The following ANO7 variants were observed in gnomAD, a reference collection of about 807,000 sequenced individuals.
The protein encoded by ANO7 is anoctamin 7.
Under a neutral mutation model 115.8 loss-of-function variants are expected in ANO7, and 114 were observed. That is an observed-to-expected ratio of 0.98 (90% CI 0.85 to 1.15). The LOEUF (loss-of-function observed/expected upper bound fraction) is 1.15, where lower values mean the gene tolerates loss of function less well. ANO7 is among the 50% of genes most tolerant of loss of function. ANO7 has a pLI of 0.00. For synonymous variants in ANO7, 550 were observed against 498.2 expected (o/e 1.10, Z -1.38); for missense variants, 1,302 against 1,201.2 (o/e 1.08, Z -1.24).
chr2:241,238,803 CAAAG>C, the ANO7 span: 2 of 1,468,230 alleles, frequency 1.4e-6, no homozygotes, highest in African/African-American at 2.9e-5. This position sits in a 1 kb window ranked among gnomAD's most constrained non-coding sequence, Gnocchi z 4.9. Context: ...GGGAGGTACA[CAAAG>C]AAAAAAGAAA....
intron 16 of ANO7, 152 bp downstream of exon 16, chr2:241,212,357 C>T: frequency 2.2e-6 from 2 of 924,362 alleles, no homozygotes; most frequent in Non-Finnish European, 3.4e-6. Flanking sequence ...GCCCATGCCT[C>T]CTGGCACCTC....
intron 2 of ANO7, 141 bp downstream of exon 2, chr2:241,190,312 C>T: frequency 1.5e-6 from 1 of 684,216 alleles, no homozygotes; most frequent in East Asian, 2.8e-5. Context: ...CCCCCAAGCC[C>T]TCGCCACCCA....
At chr2:241,193,980 G>C (rs912277057) in intron 3 of ANO7, among the ~76,000 whole-genome samples, 4 of 152,196 alleles carry the variant, frequency 2.6e-5, no homozygotes, top group Non-Finnish European at 5.9e-5. Flanking sequence ...AGGTTCAAGT[G>C]ATCTCTGGCC....
chr2:241,191,024 C>T (rs866977830), intron 2 of ANO7, among the ~76,000 whole-genome samples, 170 bp from the exon 3 acceptor site: 1 of 152,240 alleles, frequency 6.6e-6, no homozygotes, highest in Non-Finnish European at 1.5e-5. Context: ...AGGGGCTTCC[C>T]CCTCCACCCC....
At position 241,196,895 on chromosome 2, in the gene ANO7, G is replaced by C. The variant is rs76471625; in HGVS notation, c.309+1050G>C. ...TGTGTGTGTGTGTGTCCTTGTGCCT[G>C]TGTGCAGGGACTTCTGGGAGTAGGG... On this transcript the variant is annotated intron_variant, in intron 4 of 24. Coordinates refer to ENST00000674324, the MANE Select transcript of ANO7 (RefSeq NM_001370694.2). Among the ~76,000 whole-genome samples the C allele has an allele frequency of 7.0e-3, 1,065 of 151,830 alleles. 12 individuals are homozygous for C. Among genetic ancestry groups the C allele is most frequent in the African/African-American group, 0.025 (1,017 of 41,396 alleles).
At chr2:241,219,305 G>T in intron 21 of ANO7, among the ~76,000 whole-genome samples, 1 of 151,990 alleles carries the variant, frequency 6.6e-6, no homozygotes, top group East Asian at 1.9e-4. Flanking sequence ...TTTTCATATC[G>T]GTCTCTCTCA....
At chr2:241,200,314 A>T in intron 6 of ANO7, 89 bp downstream of exon 6, 1 of 1,506,884 alleles carries the variant, frequency 6.6e-7, no homozygotes, top group Non-Finnish European at 8.9e-7. Context: ...CTTCCCCAGG[A>T]CTCTCCTCAC....
the ANO7 span, chr2:241,239,515 C>CA: frequency 9.0e-7 from 1 of 1,113,890 alleles, no homozygotes. The surrounding 1 kb of genome is among the most constrained non-coding windows in gnomAD (Gnocchi z 4.6). Context: ...AGTCACCTCC[C>CA]TACAGGGTGG....
chr2:241,207,409 A>T, intron 10 of ANO7, among the ~76,000 whole-genome samples, 165 bp from the exon 11 acceptor site: 1 of 152,232 alleles, frequency 6.6e-6, no homozygotes, highest in African/African-American at 2.4e-5. Context: ...TTGTCATGGC[A>T]TATATTTTAA....
chr2:241,195,952 G>T lies in ANO7; in HGVS notation c.309+107G>T, dbSNP rs748236663. 9 of 1,598,288 alleles carry T rather than the reference G, an allele frequency of 5.6e-6. No homozygotes were observed. In the East Asian group the frequency reaches 2.0e-4, roughly 36 times the overall value. On this transcript the variant is annotated intron_variant, in intron 4 of 24. Coordinates refer to ENST00000674324, the MANE Select transcript of ANO7 (RefSeq NM_001370694.2). ...GCATGGTGTCCAGAGTCCCAGAGCA[G>T]ATCAGGCCCCAAAGTCCTGCTGGAC...
chr2:241,229,466 C>T (rs1472413226), downstream of ANO7: 3 of 672,642 alleles, frequency 4.5e-6, no homozygotes, highest in Non-Finnish European at 5.1e-6. Context: ...GCGCTAGGCT[C>T]CCTGCGGGAC....
intron 3 of ANO7, among the ~76,000 whole-genome samples, chr2:241,193,157 C>G (rs1309615193): frequency 6.6e-6 from 1 of 152,114 alleles, no homozygotes; most frequent in Non-Finnish European, 1.5e-5. Flanking sequence ...ACTGCAACCT[C>G]TGCCTCCCTT....
chr2:241,198,986 A>G (rs1283009665), intron 4 of ANO7: 2 of 349,506 alleles, frequency 5.7e-6, no homozygotes, highest in Middle Eastern at 8.9e-4. Context: ...TCAAGCCAGG[A>G]GGCAGGCGTG....
intron 21 of ANO7, among the ~76,000 whole-genome samples, chr2:241,221,594 G>T (rs557612070): frequency 6.6e-6 from 1 of 151,036 alleles, no homozygotes; most frequent in Admixed American, 6.6e-5. Context: ...GGCCAGGCTG[G>T]TCTCAAACTC....
downstream of ANO7, among the ~76,000 whole-genome samples, chr2:241,227,037 C>T (rs2069206925): frequency 1.3e-5 from 2 of 152,202 alleles, no homozygotes; most frequent in Admixed American, 1.3e-4. Flanking sequence ...GTTGTCCACC[C>T]TCAATGAGGG....
chr2:241,218,508 A>G (rs1025623178), intron 21 of ANO7, 127 bp downstream of exon 21: 14 of 149,626 alleles, frequency 9.4e-5, no homozygotes, highest in African/African-American at 2.4e-4. Flanking sequence ...AGGCCGGGGG[A>G]GGGGGGGAGC....
At chr2:241,220,299 A>G (rs2068977325) in intron 21 of ANO7, among the ~76,000 whole-genome samples, 1 of 152,228 alleles carries the variant, frequency 6.6e-6, no homozygotes, top group African/African-American at 2.4e-5. Context: ...TTGTCCTTCA[A>G]ATAGCGGATA....
chr2:241,209,303 C>T lies in ANO7; in HGVS notation c.1096C>T (p.His366Tyr), dbSNP rs868314690. ...GCCACAGGCCGGCCGGCTGTTCGAC[C>T]ACGGCGGCACCGTGTTCTTCAGCTT... The part of the protein sequence containing the change: ...ALAQAGRLFD[H>Y]GGTVFFSLFM... The change falls in exon 12 of 25, where the codon CAC becomes TAC. Residue 366 changes from histidine (H) to tyrosine (Y), a missense_variant. His to Tyr is a moderately conservative substitution (Grantham distance 83). Transcript: ENST00000674324. 5.1e-6 allele frequency: 8 copies of T among 1,558,930 alleles called. No individual in the cohort carries two copies. The highest frequency in any genetic ancestry group is 4.8e-5 in the East Asian group (2 of 41,472).
intron 4 of ANO7, among the ~76,000 whole-genome samples, chr2:241,196,415 C>A (rs1233285670): frequency 6.6e-6 from 1 of 152,224 alleles, no homozygotes; most frequent in Non-Finnish European, 1.5e-5. Context: ...GTGTCCCCCA[C>A]TCATTGCCAG....
Sources: allele counts gnomAD v4.1 joint callset (sites outside exome capture counted in the v4.1 genomes callset), GRCh38; gene constraint gnomAD v4.1.1; non-coding constraint Gnocchi (gnomAD v3.1); transcripts MANE v1.5; gene names NCBI Gene and HGNC (gene_info 2026-07-23, HGNC 2026-07-21).